Variants in MTAP observed in about 807,000 individuals in gnomAD.
The protein encoded by MTAP is methylthioadenosine phosphorylase.
MTAP carries 33 observed loss-of-function variants against 33.6 expected under a neutral mutation model. The observed-to-expected ratio is 0.98, with a 90% CI of 0.74 to 1.31. The LOEUF is 1.31. MTAP is among the 40% of genes most tolerant of loss of function. The pLI, the probability that MTAP is intolerant of heterozygous loss-of-function variation, is 0.00. For missense variants in MTAP, 367 were observed against 360.0 expected (o/e 1.02, Z -0.16); for synonymous variants, 148 against 125.7 (o/e 1.18, Z -1.19).
At chr9:21,906,592 G>A (rs1347915475) in intron 1 of MTAP, among the ~76,000 whole-genome samples, 3 of 152,062 alleles carry the variant, frequency 2.0e-5, no homozygotes, top group Admixed American at 1.3e-4. Flanking sequence ...GGATTAGTGG[G>A]CAATATTTGA....
At chr9:21,887,881 G>C (rs1290708957) in intron 1 of MTAP, among the ~76,000 whole-genome samples, 1 of 152,040 alleles carries the variant, frequency 6.6e-6, no homozygotes, top group Non-Finnish European at 1.5e-5. Flanking sequence ...TGTGTGGGGG[G>C]GTTGCAGCTA....
chr9:21,862,139 T>C lies in MTAP; in HGVS notation c.*125T>C. 1 of 1,554,870 alleles carries C rather than the reference T, an allele frequency of 6.4e-7. No homozygotes were observed. Among genetic ancestry groups the C allele is most frequent in the Non-Finnish European group, 8.7e-7 (1 of 1,153,568 alleles). Reference sequence around the variant, plus strand: ...TCATGCCCTTGCCTATCAAAGAGTATGTTGTAAGAAAGACAAGACATTGTG... The same window carrying C: ...TCATGCCCTTGCCTATCAAAGAGTACGTTGTAAGAAAGACAAGACATTGTG... On this transcript the variant is annotated 3_prime_UTR_variant, in exon 8 of 8. Transcript: ENST00000644715.
At chr9:21,915,075 T>TCTTTCTTTCTTTCTTTC (rs1818662693) in intron 1 of MTAP, among the ~76,000 whole-genome samples, 1 of 119,630 alleles carries the variant, frequency 8.4e-6, no homozygotes, top group Admixed American at 8.4e-5. Context: ...TTTCTTTCTT[T>TCTTTCTTTCTTTCTTTC]CTTTCTTTCC....
At chr9:21,837,059 G>A (rs916168710) in intron 4 of MTAP, among the ~76,000 whole-genome samples, 1 of 152,186 alleles carries the variant, frequency 6.6e-6, no homozygotes, top group African/African-American at 2.4e-5. Flanking sequence ...CACAGAGAAA[G>A]TGGCTTGTTC....
intron 1 of MTAP, among the ~76,000 whole-genome samples, chr9:21,906,276 G>C (rs1187417687): frequency 6.6e-6 from 1 of 152,002 alleles, no homozygotes; most frequent in Non-Finnish European, 1.5e-5. Flanking sequence ...CGGGATAAAA[G>C]AAAATATGTA....
chr9:21,873,606 CCCCG>C (rs1264495644), intron 1 of MTAP, among the ~76,000 whole-genome samples: 2 of 93,130 alleles, frequency 2.1e-5, no homozygotes, highest in African/African-American at 1.0e-4. Flanking sequence ...GGACTTCCAC[CCCCG>C]CCCCCCACCC....
intron 1 of MTAP, among the ~76,000 whole-genome samples, chr9:21,895,841 C>T (rs541401811): frequency 2.0e-5 from 3 of 152,324 alleles, no homozygotes; most frequent in African/African-American, 7.2e-5. Flanking sequence ...CCCACCACAG[C>T]TCAAGGAGGC....
In MTAP at chr9:21,802,682, T is replaced by G; in HGVS notation, c.-67T>G. 6.4e-7 allele frequency: 1 copy of G among 1,561,410 alleles called. No homozygotes were observed. Among genetic ancestry groups the G allele is most frequent in the Admixed American group, 1.9e-5 (1 of 53,580 alleles). Reference sequence around the variant, plus strand: ...GCAGTGAGGTTGGCACAGCCACCGCTCTGTGGCTCGCTTGGTTCCCTTAGT... The same window carrying G: ...GCAGTGAGGTTGGCACAGCCACCGCGCTGTGGCTCGCTTGGTTCCCTTAGT... On this transcript the variant is annotated 5_prime_UTR_variant, in exon 1 of 8. Coordinates refer to ENST00000644715, the MANE Select transcript of MTAP (RefSeq NM_002451.4).
chr9:21,840,330 G>A (rs549459568), intron 5 of MTAP, among the ~76,000 whole-genome samples: 1 of 152,254 alleles, frequency 6.6e-6, no homozygotes, highest in African/African-American at 2.4e-5. Context: ...AACCACTGTA[G>A]GAACTTACCG....
intron 4 of MTAP, among the ~76,000 whole-genome samples, chr9:21,830,225 C>T (rs535085124): frequency 6.6e-6 from 1 of 152,252 alleles, no homozygotes; most frequent in Non-Finnish European, 1.5e-5. Flanking sequence ...TTCATTTTCC[C>T]GTTTTTGTTG....
chr9:21,813,768 G>A (rs1460088207), intron 1 of MTAP: 1 of 152,212 alleles, frequency 6.6e-6, no homozygotes, highest in African/African-American at 2.4e-5. Context: ...TGTCCCAGGT[G>A]AGGATATGGG....
Position 21,802,884 on chromosome 9 carries a change from GT to G in MTAP, c.33+104del, listed in dbSNP as rs776770581. 2.0e-6 allele frequency: 3 copies of G among 1,504,730 alleles called. No homozygotes were observed. The East Asian group carries it at 7.5e-5, about 38-fold the overall frequency. 93.2% of individuals were successfully genotyped at this position (1,504,730 alleles called of 1,614,324 possible). A position where few individuals can be genotyped will look rare whatever the true frequency, so the allele number is the denominator to read the frequency against. ...CGGGGGCCATGCGCCCGGCCCGTGC[GT>G]CCCTTGCCGCCGCGGGGAGGGACTG... is the stretch of plus-strand genomic sequence containing the variant. On this transcript the variant is annotated intron_variant, in intron 1 of 7. Transcript: ENST00000644715.
chr9:21,891,971 T>A (rs999558150), intron 1 of MTAP, among the ~76,000 whole-genome samples: 36 of 152,192 alleles, frequency 2.4e-4, no homozygotes, highest in African/African-American at 8.7e-4. Flanking sequence ...TGGCCTATAT[T>A]CAACATTCTT....
intron 1 of MTAP, among the ~76,000 whole-genome samples, chr9:21,812,815 G>T (rs771501045): frequency 9.9e-5 from 15 of 152,236 alleles, no homozygotes; most frequent in Non-Finnish European, 1.3e-4. Flanking sequence ...GATATTGGGA[G>T]AGGGCACATC....
chr9:21,918,754 C>A (rs775654901), intron 1 of MTAP, among the ~76,000 whole-genome samples: 1 of 152,170 alleles, frequency 6.6e-6, no homozygotes, highest in Non-Finnish European at 1.5e-5. Context: ...GGGAGTTCCC[C>A]TGCACATGCC....
chr9:21,850,477 GCTGCTGTGCAAA>G (rs1194492724), intron 5 of MTAP, among the ~76,000 whole-genome samples: 2 of 152,162 alleles, frequency 1.3e-5, no homozygotes, highest in Non-Finnish European at 2.9e-5. Flanking sequence ...ACAGTTCCAG[GCTGCTGTGCAAA>G]CTGCTGTGCC....
chr9:21,885,226 A>G (rs1254201497), intron 1 of MTAP, among the ~76,000 whole-genome samples: 1 of 152,220 alleles, frequency 6.6e-6, no homozygotes, highest in Non-Finnish European at 1.5e-5. Flanking sequence ...TAGGCAAAGT[A>G]TATCATACAT....
chr9:21,869,192 C>G (rs973944816), downstream of MTAP, among the ~76,000 whole-genome samples: 2 of 152,112 alleles, frequency 1.3e-5, no homozygotes. Flanking sequence ...TAAAATCCCT[C>G]GAGTTATTGT....
At chr9:21,813,812 G>A (rs1392110008) in intron 1 of MTAP, 8 of 152,182 alleles carry the variant, frequency 5.3e-5, no homozygotes, top group African/African-American at 1.9e-4. Flanking sequence ...ATGACCTGTG[G>A]TGCTTCAGAG....
Sources: allele counts gnomAD v4.1 joint callset (sites outside exome capture counted in the v4.1 genomes callset), GRCh38; gene constraint gnomAD v4.1.1; transcripts MANE v1.5; gene names NCBI Gene and HGNC (gene_info 2026-07-23, HGNC 2026-07-21).